The following GGNBP2 variants were observed in gnomAD, a reference collection of about 807,000 sequenced individuals.
GGNBP2 encodes the protein gametogenetin binding protein 2, also known as gametogenetin-binding protein 2.
Under a neutral mutation model 85.9 loss-of-function variants are expected in GGNBP2, and 10 were observed. The ratio of observed to expected loss-of-function variants is 0.12; its 90% CI spans 0.07 to 0.20. The LOEUF is 0.20. Among genes scored for constraint, GGNBP2 ranks in the 10% least tolerant of loss-of-function variants. The probability of loss-of-function intolerance (pLI) is 1.00; values close to 1 mark genes in which losing one functional copy is unlikely to be tolerated. For missense variants in GGNBP2, 595 were observed against 857.8 expected, an observed-to-expected ratio of 0.69 and a Z score of 3.83; for synonymous variants, 287 against 285.7, an observed-to-expected ratio of 1.00 and a Z score of -0.05.
intron 1 of GGNBP2, 148 bp from the exon 2 acceptor site, chr17:36,545,464 CGGCGCTG>C (rs2142650181): frequency 2.5e-6 from 1 of 404,538 alleles, no homozygotes; most frequent in Admixed American, 4.5e-5. Flanking sequence ...CGGGTCCCGG[CGGCGCTG>C]GGCGCTGATT....
intron 4 of GGNBP2, among the ~76,000 whole-genome samples, chr17:36,559,921 G>A (rs1356795195): frequency 6.6e-6 from 1 of 151,968 alleles, no homozygotes; most frequent in Non-Finnish European, 1.5e-5. Context: ...TGCTACCTCC[G>A]CCTCCCAGAT....
intron 2 of GGNBP2, among the ~76,000 whole-genome samples, chr17:36,552,771 A>G (rs1189517831): frequency 2.0e-5 from 3 of 152,248 alleles, no homozygotes; most frequent in African/African-American, 7.2e-5. Flanking sequence ...CTGTAATCCC[A>G]GCACTTTGGG....
At chr17:36,548,574 C>T (rs2074276123) in intron 2 of GGNBP2, among the ~76,000 whole-genome samples, 1 of 132,456 alleles carries the variant, frequency 7.5e-6, no homozygotes, top group Admixed American at 8.6e-5. Flanking sequence ...GAGATCGCAC[C>T]ACTGCACTCC....
chr17:36,561,392 G>T (rs937300239), intron 5 of GGNBP2, among the ~76,000 whole-genome samples: 1 of 152,144 alleles, frequency 6.6e-6, no homozygotes, highest in African/African-American at 2.4e-5. Flanking sequence ...AAAGTGCTGG[G>T]ATTACAGGTG....
chr17:36,575,641 TATATATA>T (rs1226727549), intron 6 of GGNBP2, among the ~76,000 whole-genome samples: 612 of 55,578 alleles, frequency 0.011, 3 homozygotes, highest in Non-Finnish European at 0.015. Context: ...TATATATATA[TATATATA>T]TTTTTTTTTT....
At chr17:36,577,815 A>G (rs761980002) in intron 6 of GGNBP2, 168 bp from the exon 7 acceptor site, 120 of 633,170 alleles carry the variant, frequency 1.9e-4, no homozygotes, top group Middle Eastern at 3.2e-4. Context: ...TATTTATGCA[A>G]TCCCTAAATT....
chr17:36,586,331 T>C (rs1023608240), intron 12 of GGNBP2, 133 bp downstream of exon 12: 3 of 1,121,916 alleles, frequency 2.7e-6, no homozygotes, highest in Admixed American at 2.8e-5. Context: ...TGCAGTTCCA[T>C]TGGGTGCTCA....
chr17:36,578,230 C>T (rs1567831517), intron 7 of GGNBP2, 44 bp downstream of exon 7: 1 of 1,433,956 alleles, frequency 7.0e-7, no homozygotes, highest in East Asian at 2.3e-5. Flanking sequence ...TAGCGCTTTG[C>T]TTCATTTTAT....
chr17:36,579,047 TA>T (rs1449141458), intron 7 of GGNBP2, 197 bp from the exon 8 acceptor site: 1 of 540,106 alleles, frequency 1.9e-6, no homozygotes, highest in African/African-American at 1.9e-5. Flanking sequence ...ATACGAGGAC[TA>T]AATTCTACTT....
intron 9 of GGNBP2, among the ~76,000 whole-genome samples, chr17:36,584,242 A>T: frequency 6.6e-6 from 1 of 152,252 alleles, no homozygotes; most frequent in East Asian, 1.9e-4. Flanking sequence ...TTGATGTTCC[A>T]GGAAAAAAGT....
rs111254322 is a variant in GGNBP2 at position 36,554,858 on chromosome 17, T to C, written c.132T>C (p.Asp44=). 1.4e-5 allele frequency: 23 copies of C among 1,610,862 alleles called. 1 individual carries two copies. Among genetic ancestry groups the C allele is most frequent in the African/African-American group, 9.3e-5 (7 of 75,004 alleles). Residue 44 remains aspartate (D), a synonymous_variant, in exon 3 of 14, where the codon GAT becomes GAC. Coordinates refer to ENST00000613102, the MANE Select transcript of GGNBP2 (RefSeq NM_024835.5). ...MEFPDNVLNL[D]GHQNNGAQLK... ...TTCCTGATAATGTGTTAAATCTCGA[T>C]GGACATCAGAATAATGGTGCACAGC...
At chr17:36,586,499 A>G (rs1225102539) in intron 12 of GGNBP2, 4 of 359,224 alleles carry the variant, frequency 1.1e-5, no homozygotes, top group Non-Finnish European at 2.1e-5. Context: ...GGTTCTATGA[A>G]GGTGAAGTGA....
Position 36,578,171 on chromosome 17 carries a change from C to T in GGNBP2, c.830C>T (p.Pro277Leu), listed in dbSNP as rs1440834338. 1 of 1,609,538 alleles carries T rather than the reference C, an allele frequency of 6.2e-7. No individual in the cohort carries two copies. The highest frequency in any genetic ancestry group is 1.3e-5 in the African/African-American group (1 of 74,956). The change falls in exon 7 of 14, where the codon CCA (proline) becomes CTA (leucine). Residue 277 changes from proline (P) to leucine (L), a missense_variant. Physicochemically the swap from Pro to Leu is moderately conservative, Grantham distance 98. Around this residue, in one of 9 missense-constraint regions of GGNBP2, gnomAD observed 92 missense variants for 183.9 expected, o/e 0.50. Coordinates refer to ENST00000613102, the MANE Select transcript of GGNBP2 (RefSeq NM_024835.5). ...FIAHLLGRAEPEFAGGRRERH... is the reference protein window; with the variant it reads ...FIAHLLGRAELEFAGGRRERH... ...GCACATCTTTTGGGTCGTGCTGAGC[C>T]AGAGTTCGCAGGAGGGTATGAGTAT...
chr17:36,574,942 G>T, intron 6 of GGNBP2: 7 of 1,182,972 alleles, frequency 5.9e-6, no homozygotes, highest in Non-Finnish European at 8.5e-6. Flanking sequence ...TGTGGCCATT[G>T]TAGTCCACGA....
chr17:36,553,021 C>CAAAAAA (rs56946600), intron 2 of GGNBP2, among the ~76,000 whole-genome samples: 1 of 76,212 alleles, frequency 1.3e-5, no homozygotes, highest in Non-Finnish European at 2.4e-5. Flanking sequence ...GACTCTGTCT[C>CAAAAAA]AAAAAAAAAA....
intron 6 of GGNBP2, among the ~76,000 whole-genome samples, chr17:36,570,170 GAGTT>G (rs1555606542): frequency 6.6e-6 from 1 of 151,312 alleles, no homozygotes; most frequent in African/African-American, 2.4e-5. Context: ...TTGAGCTCAG[GAGTT>G]TTAGACCAGC....
chr17:36,586,463 C>A, intron 12 of GGNBP2: 1 of 453,552 alleles, frequency 2.2e-6, no homozygotes, highest in Non-Finnish European at 4.0e-6. Flanking sequence ...TAATCTTAAA[C>A]AATTTGTTTA....
intron 6 of GGNBP2, among the ~76,000 whole-genome samples, chr17:36,568,327 C>T (rs1030091396): frequency 6.6e-6 from 1 of 151,276 alleles, no homozygotes; most frequent in Admixed American, 6.6e-5. Context: ...GACAGAGTTG[C>T]ACTCTGTCAC....
intron 5 of GGNBP2, among the ~76,000 whole-genome samples, chr17:36,566,252 G>A (rs545622217): frequency 6.6e-6 from 1 of 152,356 alleles, no homozygotes; most frequent in East Asian, 1.9e-4. Context: ...ATTTCCCTTG[G>A]AATGCAGGTC....
Sources: gnomAD v4.1 joint callset for allele counts (sites outside exome capture counted in the v4.1 genomes callset) on GRCh38, gnomAD v4.1.1 for gene constraint, gnomAD v4.1.1 regional missense constraint, MANE v1.5 for transcripts, NCBI Gene and HGNC (gene_info 2026-07-23, HGNC 2026-07-21) for gene names.